The following INTS6 variants were observed in gnomAD, a reference collection of about 807,000 sequenced individuals.
The protein encoded by INTS6 is integrator complex subunit 6, also known as DEAD box protein.
Under a neutral mutation model 104.9 loss-of-function variants are expected in INTS6, and 16 were observed. That is an observed-to-expected ratio of 0.15 (90% CI 0.10 to 0.23). INTS6 has a LOEUF of 0.23. Among genes scored for constraint, INTS6 ranks in the 10% least tolerant of loss-of-function variants. The pLI is 1.00. For missense variants in INTS6, 584 were observed against 1,062.8 expected (o/e 0.55, Z 6.26); for synonymous variants, 324 against 358.7 (o/e 0.90, Z 1.09).
At chr13:51,417,518 G>A (rs543711684) in intron 4 of INTS6, among the ~76,000 whole-genome samples, 36 of 145,146 alleles carry the variant, frequency 2.5e-4, no homozygotes, top group South Asian at 8.6e-4. Flanking sequence ...GCAATGGCGC[G>A]ATCTCAGCTC....
chr13:51,388,505 T>C (rs919306486), intron 6 of INTS6, among the ~76,000 whole-genome samples: 5 of 152,142 alleles, frequency 3.3e-5, no homozygotes, highest in Non-Finnish European at 7.4e-5. Context: ...GCAGTTCTCC[T>C]GCCTCAGCCT....
chr13:51,424,541 A>G, intron 4 of INTS6, among the ~76,000 whole-genome samples: 1 of 152,070 alleles, frequency 6.6e-6, no homozygotes, highest in Non-Finnish European at 1.5e-5. Flanking sequence ...ACCAGCAGTA[A>G]TAAATCCAGG....
At chr13:51,411,512 C>G (rs918152833) in intron 4 of INTS6, among the ~76,000 whole-genome samples, 7 of 150,336 alleles carry the variant, frequency 4.7e-5, no homozygotes, top group African/African-American at 1.5e-4. Context: ...GAGATCGTGC[C>G]GTTGCACTCC....
At chr13:51,410,480 A>G (rs1014310824) in intron 4 of INTS6, among the ~76,000 whole-genome samples, 8 of 152,146 alleles carry the variant, frequency 5.3e-5, no homozygotes, top group African/African-American at 1.9e-4. Context: ...AATCTCTCCA[A>G]TAAAAATGCT....
chr13:51,345,813 A>G, the INTS6 span, among the ~76,000 whole-genome samples: 2 of 152,242 alleles, frequency 1.3e-5, no homozygotes, highest in Non-Finnish European at 2.9e-5. Context: ...GCCAGGGCGT[A>G]AGGCCAGAGA....
intron 4 of INTS6, among the ~76,000 whole-genome samples, chr13:51,398,179 A>C (rs1176208731): frequency 6.6e-6 from 1 of 152,212 alleles, no homozygotes; most frequent in Non-Finnish European, 1.5e-5. Flanking sequence ...GAAAAAGATT[A>C]AAATCTGAAG....
At chr13:51,450,814 C>A (rs1953026088) in intron 3 of INTS6, 3 of 1,186,100 alleles carry the variant, frequency 2.5e-6, no homozygotes. Context: ...AGATTCTAAT[C>A]CTGAATACCA....
At chr13:51,377,133 T>C (rs1484293204) in intron 12 of INTS6, among the ~76,000 whole-genome samples, 1 of 152,200 alleles carries the variant, frequency 6.6e-6, no homozygotes, top group East Asian at 1.9e-4. Context: ...CCCTAATGGC[T>C]GATAAGGCTG....
At chr13:51,431,165 A>G (rs534468135) in intron 3 of INTS6, among the ~76,000 whole-genome samples, 4 of 152,304 alleles carry the variant, frequency 2.6e-5, no homozygotes, top group African/African-American at 9.6e-5. Flanking sequence ...TAAGACAAAC[A>G]TAAGCTTGCC....
At chr13:51,376,307 C>T in intron 12 of INTS6, 133 bp from the exon 13 acceptor site, 1 of 661,330 alleles carries the variant, frequency 1.5e-6, no homozygotes, top group Non-Finnish European at 2.3e-6. Flanking sequence ...AAAATAAAGA[C>T]ATATGATATA....
chr13:51,364,179 A>G lies in INTS6; in HGVS notation c.*1573T>C, dbSNP rs1593656447. 8.7e-6 allele frequency: 7 copies of G among 801,476 alleles called. No individual in the cohort carries two copies. The East Asian group carries it at 2.0e-4, about 22-fold the overall frequency. 49.6% of individuals were successfully genotyped at this position (801,476 alleles called of 1,614,324 possible). On this transcript the variant is annotated 3_prime_UTR_variant, in exon 18 of 18. Transcript: ENST00000311234. ...AAAGTATTTGTATAGAAGTAAACAA[A>G]GCTTAAAGAACTGCATATGAAAATA... is the stretch of plus-strand genomic sequence containing the variant.
chr13:51,383,288 T>G, intron 9 of INTS6, 41 bp downstream of exon 9: 1 of 1,536,676 alleles, frequency 6.5e-7, no homozygotes, highest in Non-Finnish European at 8.8e-7. Context: ...AGGAGAACTT[T>G]TATATGCTAA....
chr13:51,447,324 C>A (rs1480963063), intron 3 of INTS6: 1 of 151,970 alleles, frequency 6.6e-6, no homozygotes, highest in African/African-American at 2.4e-5. Context: ...TAAATGGGTA[C>A]TATTTAGGTA....
chr13:51,417,384 G>A (rs1665298904), intron 4 of INTS6, among the ~76,000 whole-genome samples: 1 of 151,734 alleles, frequency 6.6e-6, no homozygotes, highest in Non-Finnish European at 1.5e-5. Context: ...ATAAGGTAGA[G>A]GTTCAATTTC....
intron 7 of INTS6, chr13:51,384,743 C>A (rs1271991411): frequency 2.2e-6 from 1 of 455,684 alleles, no homozygotes; most frequent in Non-Finnish European, 4.4e-6. Flanking sequence ...AAGGCACTTA[C>A]CAGAACACAT....
At chr13:51,439,218 C>T (rs1433453332) in intron 3 of INTS6, 2 of 152,124 alleles carry the variant, frequency 1.3e-5, no homozygotes, top group African/African-American at 4.8e-5. Context: ...TATAATCCTT[C>T]CAAGGACCTT....
intron 4 of INTS6, among the ~76,000 whole-genome samples, chr13:51,428,212 AAAAG>A (rs1224724881): frequency 6.6e-6 from 1 of 152,238 alleles, no homozygotes; most frequent in Non-Finnish European, 1.5e-5. Context: ...ACAAACATTC[AAAAG>A]ACTTTTAATT....
chr13:51,345,616 A>G, the INTS6 span, among the ~76,000 whole-genome samples: 4 of 150,588 alleles, frequency 2.7e-5, no homozygotes, highest in Non-Finnish European at 4.4e-5. Flanking sequence ...AAAAAAAAAA[A>G]GCAGAATAGG....
chr13:51,362,126 A>C lies in INTS6; in HGVS notation c.*3626T>G. The C allele has an allele frequency of 7.5e-7, 1 of 1,342,148 alleles. No individual in the cohort carries two copies. Among genetic ancestry groups the C allele is most frequent in the East Asian group, 2.9e-5 (1 of 34,414 alleles). The allele number at this position is 1,342,148 out of a possible 1,614,324, so 83.1% of individuals were successfully genotyped here. On this transcript the variant is annotated 3_prime_UTR_variant, in exon 18 of 18. Transcript: ENST00000311234. Reference sequence around the variant, plus strand: ...CTTCTCATTCTCTCAGCTCATATATAGTTAATGTAGATTTTTTTTTTTAAT... The same window carrying C: ...CTTCTCATTCTCTCAGCTCATATATCGTTAATGTAGATTTTTTTTTTTAAT...
Sources: allele counts gnomAD v4.1 joint callset (sites outside exome capture counted in the v4.1 genomes callset), GRCh38; gene constraint gnomAD v4.1.1; transcripts MANE v1.5; gene names NCBI Gene and HGNC (gene_info 2026-07-23, HGNC 2026-07-21).